The following NCKAP1 variants were observed in gnomAD, a reference collection of about 807,000 sequenced individuals.
NCKAP1 encodes nck-associated protein 1.
Under a neutral mutation model 151.2 loss-of-function variants are expected in NCKAP1, and 21 were observed. That is an observed-to-expected ratio of 0.14 (90% CI 0.10 to 0.20). The LOEUF (loss-of-function observed/expected upper bound fraction) is 0.20. Among genes scored for constraint, NCKAP1 ranks in the 10% least tolerant of loss-of-function variants. NCKAP1 has a pLI of 1.00. For synonymous variants in NCKAP1, 484 were observed against 451.8 expected (o/e 1.07, Z -0.90); for missense variants, 933 against 1,352.1 (o/e 0.69, Z 4.86).
intron 9 of NCKAP1, among the ~76,000 whole-genome samples, chr2:182,988,575 AAAC>A (rs749061634): frequency 1.4e-4 from 21 of 152,356 alleles, no homozygotes; most frequent in Admixed American, 8.5e-4. Flanking sequence ...ATTTAAATAA[AAAC>A]AACATGATTT....
chr2:182,977,248 GGAGGCC>G (rs1697842362), intron 14 of NCKAP1, among the ~76,000 whole-genome samples: 1 of 152,150 alleles, frequency 6.6e-6, no homozygotes, highest in Non-Finnish European at 1.5e-5. Flanking sequence ...CAGCACTTTG[GGAGGCC>G]GAGGCAGGTG....
intron 1 of NCKAP1, among the ~76,000 whole-genome samples, chr2:183,030,171 G>A (rs1158946687): frequency 2.0e-5 from 3 of 152,058 alleles, no homozygotes; most frequent in Admixed American, 6.5e-5. Context: ...TTGCTATCAC[G>A]GTAAAAATCT....
At chr2:182,984,355 G>A (rs1698004959) in intron 10 of NCKAP1, among the ~76,000 whole-genome samples, 1 of 151,198 alleles carries the variant, frequency 6.6e-6, no homozygotes, top group Admixed American at 6.6e-5. Context: ...ATCATAAAAT[G>A]TTCCAAGCAA....
chr2:183,024,074 T>C (rs1288181448), intron 1 of NCKAP1, among the ~76,000 whole-genome samples, 158 bp from the exon 2 acceptor site: 2 of 152,052 alleles, frequency 1.3e-5, no homozygotes, highest in African/African-American at 2.4e-5. Context: ...AGCTGAAATA[T>C]GCAATGGGAG....
At chr2:183,016,321 T>C (rs777526746) in intron 2 of NCKAP1, among the ~76,000 whole-genome samples, 1 of 152,350 alleles carries the variant, frequency 6.6e-6, no homozygotes. Context: ...TCAATTACTT[T>C]CCAAATATAT....
Position 182,942,223 on chromosome 2 carries a change from A to G in NCKAP1, c.2602-60T>C, listed in dbSNP as rs547741973. 8 of 1,299,650 alleles carry G rather than the reference A, an allele frequency of 6.2e-6. No individual in the cohort carries two copies. In the South Asian group the frequency reaches 6.4e-5, roughly 10 times the overall value. The allele number at this position is 1,299,650 out of a possible 1,614,324, so 80.5% of individuals were successfully genotyped here. A position where few individuals can be genotyped will look rare whatever the true frequency, so the allele number is the denominator to read the frequency against. ...GACCTCTTTGTGTTAATGAGATAAGAGCATGCTTGGAAATTACAATCTGGC... is the reference window on the plus strand; with the variant it reads ...GACCTCTTTGTGTTAATGAGATAAGGGCATGCTTGGAAATTACAATCTGGC... On this transcript the variant is annotated intron_variant, in intron 23 of 30. Coordinates refer to ENST00000361354, the MANE Select transcript of NCKAP1 (RefSeq NM_013436.5).
At chr2:183,029,450 A>G (rs949515833) in intron 1 of NCKAP1, among the ~76,000 whole-genome samples, 1 of 151,704 alleles carries the variant, frequency 6.6e-6, no homozygotes, top group Non-Finnish European at 1.5e-5. Context: ...CCAAGAACTT[A>G]CCATGATGCC....
intron 20 of NCKAP1, 83 bp downstream of exon 20, chr2:182,956,379 C>A: frequency 1.3e-6 from 2 of 1,501,190 alleles, no homozygotes; most frequent in Non-Finnish European, 9.1e-7. Context: ...TCTACTAATG[C>A]TTTTCCTTAT....
intron 27 of NCKAP1, among the ~76,000 whole-genome samples, chr2:182,929,962 G>A (rs1445958947): frequency 6.6e-6 from 1 of 151,902 alleles, no homozygotes; most frequent in African/African-American, 2.4e-5. Context: ...ACTCTTGATG[G>A]TGAATAACTC....
At chr2:182,956,007 T>C (rs1697317513) in intron 20 of NCKAP1, among the ~76,000 whole-genome samples, 3 of 152,170 alleles carry the variant, frequency 2.0e-5, no homozygotes, top group Admixed American at 2.0e-4. Context: ...AATCTGGGTA[T>C]CTTCAGTAAT....
In NCKAP1 at chr2:182,928,811, C is replaced by T; in HGVS notation, c.3042G>A (p.Val1014=). 1.2e-6 allele frequency: 2 copies of T among 1,611,050 alleles called. No homozygotes were observed. The highest frequency in any genetic ancestry group is 2.2e-5 in the South Asian group (2 of 90,794). Residue 1014 remains valine (V), a synonymous_variant, in exon 28 of 31, where the codon GTG becomes GTA. Transcript: ENST00000361354. ...CTATAGCAGGGCTGTACTGAGACAT[C>T]ACATTACTGGCCAGTGTTGGCAAAG... ...AVSLPTLASN[V]MSQYSPAIEG...
chr2:182,920,138 A>C lies in NCKAP1; in HGVS notation c.*5564T>G, dbSNP rs1332468823. 6.6e-6 allele frequency: 1 copy of C among 151,672 alleles called. No homozygotes were observed. The highest frequency in any genetic ancestry group is 1.5e-5 in the Non-Finnish European group (1 of 67,940). The allele number at this position is 151,672 out of a possible 1,614,324, so 9.4% of individuals were successfully genotyped here. A position where few individuals can be genotyped will look rare whatever the true frequency, so the allele number is the denominator to read the frequency against. The stretch of plus-strand genomic sequence containing the variant: ...GTACACAATCACACCCGGCTTTTTC[A>C]TTTTTGTATTTTTTTTGTAGAGATG... On this transcript the variant is annotated 3_prime_UTR_variant, in exon 31 of 31. Transcript: ENST00000361354.
intron 22 of NCKAP1, 76 bp from the exon 23 acceptor site, chr2:182,952,578 A>G (rs1697235806): frequency 8.5e-7 from 1 of 1,181,770 alleles, no homozygotes. Context: ...ACACAATACA[A>G]CATCTCATTA....
intron 18 of NCKAP1, among the ~76,000 whole-genome samples, chr2:182,960,407 A>G (rs892223050): frequency 3.9e-5 from 6 of 152,214 alleles, no homozygotes; most frequent in African/African-American, 1.2e-4. Context: ...GAACAGAACA[A>G]AGCCCTCAGA....
chr2:182,987,050 TG>T (rs1009667944), intron 9 of NCKAP1, among the ~76,000 whole-genome samples: 2 of 152,098 alleles, frequency 1.3e-5, no homozygotes, highest in African/African-American at 4.8e-5. Flanking sequence ...AAGACCAGCC[TG>T]GCCAACATGG....
intron 20 of NCKAP1, among the ~76,000 whole-genome samples, chr2:182,955,467 G>C (rs1039595084): frequency 1.3e-5 from 2 of 151,982 alleles, no homozygotes; most frequent in East Asian, 3.9e-4. Flanking sequence ...AAAGTTGAAA[G>C]GTTTCTGACT....
intron 19 of NCKAP1, 105 bp downstream of exon 19, chr2:182,957,352 A>G (rs1697347520): frequency 6.9e-6 from 8 of 1,162,058 alleles, no homozygotes; most frequent in African/African-American, 3.2e-5. Context: ...CTGGAAAATG[A>G]AGAATATACA....
chr2:183,004,022 T>C (rs1698420462), intron 2 of NCKAP1, among the ~76,000 whole-genome samples: 1 of 152,182 alleles, frequency 6.6e-6, no homozygotes, highest in Non-Finnish European at 1.5e-5. Context: ...TCTAAAAGAA[T>C]CTAGCTATTT....
intron 15 of NCKAP1, among the ~76,000 whole-genome samples, chr2:182,972,224 C>CAAAA (rs56834438): frequency 0.029 from 1,929 of 66,204 alleles, no homozygotes; most frequent in Middle Eastern, 0.051. Context: ...AGCTTAATAG[C>CAAAA]AAAAAAAAAA....
Sources: gnomAD v4.1 joint callset for allele counts (sites outside exome capture counted in the v4.1 genomes callset) on GRCh38, gnomAD v4.1.1 for gene constraint, MANE v1.5 for transcripts, NCBI Gene and HGNC (gene_info 2026-07-23, HGNC 2026-07-21) for gene names.